The following CCT6B variants were observed in gnomAD, a reference collection of about 807,000 sequenced individuals.
CCT6B encodes the protein probable T-complex protein 1 subunit zeta-2.
In CCT6B, 49 loss-of-function variants were observed where a neutral mutation model predicts 61.5. The observed-to-expected ratio is 0.80, with a 90% CI of 0.63 to 1.01. The LOEUF (loss-of-function observed/expected upper bound fraction) is 1.01. Ranked by LOEUF, CCT6B falls within the 50% of genes least tolerant of loss-of-function variation. The pLI is 0.00. For synonymous variants in CCT6B, 228 were observed against 214.5 expected, an observed-to-expected ratio of 1.06 and a Z score of -0.55; for missense variants, 666 against 634.7, an observed-to-expected ratio of 1.05 and a Z score of -0.53.
In CCT6B at chr17:34,957,500, G is replaced by C. The variant is rs1010907891; in HGVS notation, c.336+1060C>G. 2.0e-5 allele frequency among the ~76,000 whole-genome samples: 3 copies of C among 152,166 alleles called. No homozygotes were observed. In the East Asian group the frequency reaches 5.8e-4, roughly 29 times the overall value. ...TGAAACAGCACTGTGAGTGGAAGAG[G>C]TAAGAGACAAAGAACCTGTGTACTT... is the stretch of plus-strand genomic sequence containing the variant. On this transcript the variant is annotated intron_variant, in intron 3 of 13. Coordinates refer to ENST00000314144, the MANE Select transcript of CCT6B (RefSeq NM_006584.4).
In CCT6B at chr17:34,940,594, G is replaced by T; in HGVS notation, c.913C>A (p.Leu305Ile). The T allele has an allele frequency of 6.4e-7, 1 of 1,565,746 alleles. No individual in the cohort carries two copies. The highest frequency in any genetic ancestry group is 1.2e-5 in the South Asian group (1 of 85,696). The change falls in exon 8 of 14, where the codon CTT (leucine) becomes ATT (isoleucine). Residue 305 changes from leucine to isoleucine, a missense_variant. Transcript: ENST00000314144. ...AGAGCTACTATTCCATGTTTTGCAA[G>T]AGAATCTAAGGAAAATGGATCAATT... is the stretch of plus-strand genomic sequence containing the variant. ...KGIDPFSLDS[L>I]AKHGIVALRR...
intron 4 of CCT6B, among the ~76,000 whole-genome samples, chr17:34,954,014 T>C (rs2090321315): frequency 6.6e-6 from 1 of 152,156 alleles, no homozygotes; most frequent in South Asian, 2.1e-4. Context: ...TGAATATTAA[T>C]ATATTAATAT....
Position 34,954,611 on chromosome 17 carries a change from A to T in CCT6B, c.337-12T>A. On this transcript the variant is annotated splice_polypyrimidine_tract_variant and intron_variant, in intron 3 of 13. Transcript: ENST00000314144. ...CTAGGGTGCAGGCCCTGTTACATCA[A>T]CATAAAATTATAAATTATAAAATAA... 6.3e-7 allele frequency: 1 copy of T among 1,578,448 alleles called. No homozygotes were observed. The highest frequency in any genetic ancestry group is 8.6e-7 in the Non-Finnish European group (1 of 1,167,368).
chr17:34,947,016 T>C (rs769656978), intron 5 of CCT6B, among the ~76,000 whole-genome samples: 3 of 152,236 alleles, frequency 2.0e-5, no homozygotes, highest in Non-Finnish European at 4.4e-5. Flanking sequence ...CATTTTTCAG[T>C]GTGTGTTACA....
In CCT6B at chr17:34,939,253, C is replaced by G. The variant is rs774054618; in HGVS notation, c.1143G>C (p.Lys381Asn). ...SVTLLVKGPN[K>N]HTLTQVKDAI... ...CATCCTTGACTTGTGTGAGAGTATGCTTATTTGGTCCTTTAACCAACAAGG... is the reference window on the plus strand; with the variant it reads ...CATCCTTGACTTGTGTGAGAGTATGGTTATTTGGTCCTTTAACCAACAAGG... The change falls in exon 10 of 14, where the codon AAG (lysine) becomes AAC (asparagine). Residue 381 changes from lysine to asparagine, a missense_variant. By Grantham distance (94) the Lys-to-Asn change is moderately conservative. Coordinates refer to ENST00000314144, the MANE Select transcript of CCT6B (RefSeq NM_006584.4). 2 of 1,613,580 alleles carry G rather than the reference C, an allele frequency of 1.2e-6. No homozygotes were observed. The highest frequency in any genetic ancestry group is 1.3e-5 in the African/African-American group (1 of 74,864).
In CCT6B at chr17:34,928,010, A is replaced by T; in HGVS notation, c.*38T>A. On this transcript the variant is annotated 3_prime_UTR_variant, in exon 14 of 14. Coordinates refer to ENST00000314144, the MANE Select transcript of CCT6B (RefSeq NM_006584.4). ...AGTAGTCAGATGTAAAGTGTACTAAATTTCATCTTCTAGAAGGGTTGATTT... is the reference window on the plus strand; with the variant it reads ...AGTAGTCAGATGTAAAGTGTACTAATTTTCATCTTCTAGAAGGGTTGATTT... 6.7e-7 allele frequency: 1 copy of T among 1,492,380 alleles called. No homozygotes were observed. Among genetic ancestry groups the T allele is most frequent in the Non-Finnish European group, 9.3e-7 (1 of 1,076,366 alleles). 92.4% of individuals were successfully genotyped at this position (1,492,380 alleles called of 1,614,324 possible). A position where few individuals can be genotyped will look rare whatever the true frequency, so the allele number is the denominator to read the frequency against.
At chr17:34,940,495 T>A in intron 8 of CCT6B, 44 bp downstream of exon 8, 1 of 1,010,028 alleles carries the variant, frequency 9.9e-7, no homozygotes, top group East Asian at 2.6e-5. Flanking sequence ...AGTTTCCATT[T>A]ACTCTGTTAA....
intron 10 of CCT6B, among the ~76,000 whole-genome samples, chr17:34,938,702 C>T (rs1409195386): frequency 6.6e-6 from 1 of 151,772 alleles, no homozygotes; most frequent in Non-Finnish European, 1.5e-5. Context: ...CTCATCTCTA[C>T]CAAAAATACA....
chr17:34,954,411 A>C lies in CCT6B; in HGVS notation c.510+15T>G. 1 of 1,578,238 alleles carries C rather than the reference A, an allele frequency of 6.3e-7. No homozygotes were observed. Among genetic ancestry groups the C allele is most frequent in the Admixed American group, 1.9e-5 (1 of 51,678 alleles). ...AGGCTATATTTGTTCTGAATGCAAA[A>C]GTTTAATAACATACCTCTGTTAAGA... is the stretch of plus-strand genomic sequence containing the variant. On this transcript the variant is annotated intron_variant, in intron 4 of 13. Transcript: ENST00000314144.
chr17:34,957,116 C>T (rs2090355912), intron 3 of CCT6B, among the ~76,000 whole-genome samples: 1 of 145,288 alleles, frequency 6.9e-6, no homozygotes, highest in African/African-American at 2.6e-5. Flanking sequence ...GCCAGTCTTA[C>T]TTTCTTTTTC....
At chr17:34,960,454 C>T (rs2090399111) in intron 1 of CCT6B, among the ~76,000 whole-genome samples, 1 of 152,120 alleles carries the variant, frequency 6.6e-6, no homozygotes, top group African/African-American at 2.4e-5. Context: ...AAGTCTTATT[C>T]TTCTTTCAAG....
chr17:34,958,651 G>A lies in CCT6B; in HGVS notation c.245C>T (p.Thr82Ile). 6.2e-7 allele frequency: 1 copy of A among 1,602,044 alleles called. No individual in the cohort carries two copies. The highest frequency in any genetic ancestry group is 8.5e-7 in the Non-Finnish European group (1 of 1,174,734). The change falls in exon 3 of 14, where the codon ACA (threonine) becomes ATA (isoleucine). Residue 82 changes from threonine (T) to isoleucine (I), a missense_variant. Thr to Ile is a moderately conservative substitution (Grantham distance 89). Coordinates refer to ENST00000314144, the MANE Select transcript of CCT6B (RefSeq NM_006584.4). The stretch of plus-strand genomic sequence containing the variant: ...ATCTCCTGTGACGTCATCCTGAGCT[G>A]TTGCTACTTTTGCTATCAAGGAAGC... ...PTASLIAKVA[T>I]AQDDVTGDGT...
At chr17:34,934,469 G>C (rs74958558) in intron 10 of CCT6B, among the ~76,000 whole-genome samples, 38 of 152,064 alleles carry the variant, frequency 2.5e-4, no homozygotes, top group Admixed American at 2.2e-3. Flanking sequence ...ATAGACAAAT[G>C]AGTATGGCCA....
intron 8 of CCT6B, 69 bp downstream of exon 8, chr17:34,940,470 G>A (rs2090150584): frequency 1.2e-6 from 1 of 835,872 alleles, no homozygotes; most frequent in Non-Finnish European, 1.9e-6. Context: ...AAGCTAAAAG[G>A]AAAACACATG....
chr17:34,957,248 A>T (rs771581817), intron 3 of CCT6B, among the ~76,000 whole-genome samples: 11 of 149,818 alleles, frequency 7.3e-5, no homozygotes, highest in Non-Finnish European at 1.3e-4. Context: ...GGGTTCAAGC[A>T]ATTCTCCTGC....
intron 5 of CCT6B, chr17:34,943,655 C>T (rs1597748648): frequency 1.3e-5 from 2 of 151,866 alleles, no homozygotes; most frequent in Non-Finnish European, 2.9e-5. Context: ...AGGAGATATA[C>T]CTAATGTTAA....
chr17:34,956,597 T>C (rs1260530185), intron 3 of CCT6B, among the ~76,000 whole-genome samples: 1 of 152,214 alleles, frequency 6.6e-6, no homozygotes, highest in Non-Finnish European at 1.5e-5. Context: ...TGGAGAAAGC[T>C]GATCTTATCC....
At chr17:34,954,671 T>G in intron 3 of CCT6B, 72 bp from the exon 4 acceptor site, 1 of 1,267,672 alleles carries the variant, frequency 7.9e-7, no homozygotes, top group African/African-American at 1.5e-5. Context: ...CCTGTCTGAT[T>G]ATTATGTTCA....
chr17:34,942,650 G>A lies in CCT6B; in HGVS notation c.726-7C>T, dbSNP rs764310024. ...GAAACCAGAGTTCACCTCTCTAAAA[G>A]ATTAATAAAAACCAGCTAGTAAAGG... is the stretch of plus-strand genomic sequence containing the variant. On this transcript the variant is annotated splice_polypyrimidine_tract_variant and splice_region_variant and intron_variant, in intron 6 of 13. Transcript: ENST00000314144. 1 of 1,571,598 alleles carries A rather than the reference G, an allele frequency of 6.4e-7. No individual in the cohort carries two copies. The highest frequency in any genetic ancestry group is 8.6e-7 in the Non-Finnish European group (1 of 1,165,982).
Sources: gnomAD v4.1 joint callset for allele counts (sites outside exome capture counted in the v4.1 genomes callset) on GRCh38, gnomAD v4.1.1 for gene constraint, MANE v1.5 for transcripts, NCBI Gene and HGNC (gene_info 2026-07-23, HGNC 2026-07-21) for gene names.